The following DIP2C variants were observed in gnomAD, a reference collection of about 807,000 sequenced individuals.
The protein encoded by DIP2C is DIP2 acetate--CoA ligase C (putative).
A neutral mutation model predicts 192.4 loss-of-function variants in DIP2C; 33 were observed. The ratio of observed to expected loss-of-function variants is 0.17; its 90% CI spans 0.13 to 0.23. The LOEUF (loss-of-function observed/expected upper bound fraction) is 0.23. Among genes scored for constraint, DIP2C ranks in the 10% least tolerant of loss-of-function variants. DIP2C has a pLI of 1.00. For missense variants in DIP2C, 1,537 were observed against 2,110.1 expected, an observed-to-expected ratio of 0.73 and a Z score of 5.32; for synonymous variants, 979 against 864.1, an observed-to-expected ratio of 1.13 and a Z score of -2.33.
chr10:428,313 AT>A (rs1301106530), intron 4 of DIP2C, among the ~76,000 whole-genome samples: 6 of 152,154 alleles, frequency 3.9e-5, no homozygotes, highest in Non-Finnish European at 7.3e-5. Flanking sequence ...CCTAAAGTAC[AT>A]TCTTTAGCAT....
At position 573,964 on chromosome 10, in the gene DIP2C, C is replaced by G. The variant is rs189011869; in HGVS notation, c.86-87434G>C. On this transcript the variant is annotated intron_variant, in intron 1 of 36. Coordinates refer to ENST00000280886, the MANE Select transcript of DIP2C (RefSeq NM_014974.3). ...GTGACAGGACTGCTCAGATTCCAAA[C>G]ACGTTCTGAACGGTCCTCCCTGTCA... Among the ~76,000 whole-genome samples the G allele has an allele frequency of 1.1e-3, 168 of 152,324 alleles. 1 individual carries two copies. The highest frequency in any genetic ancestry group is 2.1e-3 in the Non-Finnish European group (142 of 68,030).
At chr10:324,751 G>A (rs1045051078) in intron 31 of DIP2C, 7 of 353,504 alleles carry the variant, frequency 2.0e-5, no homozygotes, top group South Asian at 4.6e-5. Context: ...CTCCCACGGC[G>A]CACATTCATT....
intron 29 of DIP2C, among the ~76,000 whole-genome samples, chr10:330,395 T>C (rs950265082): frequency 1.1e-4 from 17 of 152,330 alleles, no homozygotes; most frequent in African/African-American, 4.1e-4. Context: ...ATTTAACAAC[T>C]TGTCAAAACT....
At chr10:377,291 A>G (rs1382129939) in intron 17 of DIP2C, among the ~76,000 whole-genome samples, 1 of 152,214 alleles carries the variant, frequency 6.6e-6, no homozygotes, top group East Asian at 1.9e-4. Context: ...TATGGGCTGG[A>G]ACTGGGGGGG....
Position 304,761 on chromosome 10 carries a change from T to C in DIP2C, c.3986+5270A>G, listed in dbSNP as rs1408020020. Reference sequence around the variant, plus strand: ...ACATACTTACACACACATAAAACAGTACACTACACTCACACATGCAAACTC... The same window carrying C: ...ACATACTTACACACACATAAAACAGCACACTACACTCACACATGCAAACTC... On this transcript the variant is annotated intron_variant, in intron 32 of 36. Transcript: ENST00000280886. Among the ~76,000 whole-genome samples the C allele has an allele frequency of 4.0e-5, 6 of 151,448 alleles. No homozygotes were observed. The East Asian group carries it at 1.2e-3, about 29-fold the overall frequency.
chr10:327,957 G>C (rs1957347467), intron 30 of DIP2C, among the ~76,000 whole-genome samples: 1 of 152,198 alleles, frequency 6.6e-6, no homozygotes, highest in South Asian at 2.1e-4. Flanking sequence ...GCCGAGCAGA[G>C]GGAAAGTAAG....
chr10:555,788 T>C (rs893776312), intron 1 of DIP2C, among the ~76,000 whole-genome samples: 2 of 151,976 alleles, frequency 1.3e-5, no homozygotes, highest in African/African-American at 4.8e-5. Flanking sequence ...ACACGCAAGG[T>C]CACGCAGGAT....
intron 1 of DIP2C, among the ~76,000 whole-genome samples, chr10:626,757 T>C (rs1188655797): frequency 1.4e-5 from 2 of 138,554 alleles, no homozygotes; most frequent in East Asian, 3.9e-4. Context: ...TGTCAGGCCC[T>C]CTCACTGTTG....
Position 609,093 on chromosome 10 carries a change from G to A in DIP2C, c.85+80401C>T, listed in dbSNP as rs1057299210. Among the ~76,000 whole-genome samples, 6 of 151,732 alleles carry A rather than the reference G, an allele frequency of 4.0e-5. No individual in the cohort carries two copies. The South Asian group carries it at 6.3e-4, about 16-fold the overall frequency. Reference sequence around the variant, plus strand: ...TCACAAAAGCAAAGGGTAAGACCACGTTTGGTTTTTATGACTCGCAGTTCT... The same window carrying A: ...TCACAAAAGCAAAGGGTAAGACCACATTTGGTTTTTATGACTCGCAGTTCT... On this transcript the variant is annotated intron_variant, in intron 1 of 36. Coordinates refer to ENST00000280886, the MANE Select transcript of DIP2C (RefSeq NM_014974.3).
chr10:321,168 G>A (rs1229390467), intron 31 of DIP2C, among the ~76,000 whole-genome samples: 2 of 152,354 alleles, frequency 1.3e-5, no homozygotes, highest in Admixed American at 6.5e-5. Context: ...CTGTACACCT[G>A]TAATGTTTCC....
chr10:436,459 G>A (rs1462115766), intron 4 of DIP2C, among the ~76,000 whole-genome samples: 7 of 152,136 alleles, frequency 4.6e-5, no homozygotes, highest in African/African-American at 1.7e-4. Context: ...TCCTGGACTT[G>A]GCAGGGTGGC....
At chr10:438,247 A>G (rs1048015774) in intron 4 of DIP2C, among the ~76,000 whole-genome samples, 1 of 152,266 alleles carries the variant, frequency 6.6e-6, no homozygotes, top group African/African-American at 2.4e-5. Context: ...AATATGAGAA[A>G]TAAGCAAGCA....
chr10:548,051 T>C (rs1848380642), intron 1 of DIP2C, among the ~76,000 whole-genome samples: 1 of 152,186 alleles, frequency 6.6e-6, no homozygotes, highest in Non-Finnish European at 1.5e-5. Flanking sequence ...ATGCTTCATT[T>C]AGGAGGTGCT....
intron 32 of DIP2C, among the ~76,000 whole-genome samples, chr10:288,765 G>A (rs1054221171): frequency 3.3e-5 from 5 of 152,204 alleles, no homozygotes; most frequent in Non-Finnish European, 5.9e-5. Context: ...GGTCACCCAC[G>A]ACTGTGTTGC....
At chr10:366,741 C>CA (rs1443362753) in intron 18 of DIP2C, among the ~76,000 whole-genome samples, 1 of 152,206 alleles carries the variant, frequency 6.6e-6, no homozygotes, top group East Asian at 1.9e-4. Flanking sequence ...CCACCTGCCA[C>CA]ACCAGACATC....
intron 3 of DIP2C, among the ~76,000 whole-genome samples, chr10:458,439 G>A (rs944310974): frequency 5.3e-5 from 8 of 152,226 alleles, no homozygotes; most frequent in Non-Finnish European, 8.8e-5. Context: ...AGATGACCCC[G>A]TGACAGCAAG....
At chr10:501,314 A>G (rs816600) in intron 1 of DIP2C, among the ~76,000 whole-genome samples, 131,417 of 152,164 alleles carry the variant, frequency 0.86, 58,237 homozygotes, top group Non-Finnish European at 0.95. Context: ...AAGTGGCAAT[A>G]ATTAAGAATA....
intron 17 of DIP2C, among the ~76,000 whole-genome samples, chr10:379,312 T>A (rs1351355097): frequency 1.3e-5 from 2 of 148,524 alleles, no homozygotes; most frequent in Non-Finnish European, 3.0e-5. Context: ...TGCCCGTGCA[T>A]CCTGCGTATT....
At chr10:312,230 C>T (rs1956597836) in intron 31 of DIP2C, among the ~76,000 whole-genome samples, 1 of 152,210 alleles carries the variant, frequency 6.6e-6, no homozygotes, top group Non-Finnish European at 1.5e-5. Flanking sequence ...CCTCGTCATC[C>T]ATGGCTGTGG....
Sources: allele counts gnomAD v4.1 joint callset (sites outside exome capture counted in the v4.1 genomes callset), GRCh38; gene constraint gnomAD v4.1.1; transcripts MANE v1.5; gene names NCBI Gene and HGNC (gene_info 2026-07-23, HGNC 2026-07-21).